Variants in DENND1B observed in about 807,000 individuals in gnomAD.
DENND1B encodes the protein DENN domain-containing protein 1B.
A neutral mutation model predicts 90.1 loss-of-function variants in DENND1B; 59 were observed. The ratio of observed to expected loss-of-function variants is 0.65; its 90% CI spans 0.53 to 0.81. The LOEUF is 0.81. Among genes scored for constraint, DENND1B ranks in the 40% least tolerant of loss-of-function variants. The pLI, the probability that DENND1B is intolerant of heterozygous loss-of-function variation, is 0.00. For missense variants in DENND1B, 862 were observed against 912.6 expected, an observed-to-expected ratio of 0.94 and a Z score of 0.71; for synonymous variants, 337 against 324.6, an observed-to-expected ratio of 1.04 and a Z score of -0.41.
intron 15 of DENND1B, among the ~76,000 whole-genome samples, chr1:197,565,163 T>A (rs1413365327): frequency 4.6e-5 from 7 of 152,038 alleles, no homozygotes; most frequent in Admixed American, 4.6e-4. Context: ...TGAATCACTA[T>A]CATGAAAAAG....
chr1:197,753,105 A>T (rs1226796066), intron 2 of DENND1B, among the ~76,000 whole-genome samples: 1 of 151,774 alleles, frequency 6.6e-6, no homozygotes, highest in African/African-American at 2.4e-5. Flanking sequence ...CTTCTGAATA[A>T]AGAACATAAA....
At chr1:197,519,306 T>C (rs1459200530) in intron 20 of DENND1B, among the ~76,000 whole-genome samples, 4 of 151,922 alleles carry the variant, frequency 2.6e-5, no homozygotes, top group Non-Finnish European at 4.4e-5. Context: ...TCTTTATACA[T>C]AGTAGGTAGT....
At chr1:197,555,462 C>A (rs1265305590) in intron 15 of DENND1B, among the ~76,000 whole-genome samples, 1 of 152,024 alleles carries the variant, frequency 6.6e-6, no homozygotes, top group Non-Finnish European at 1.5e-5. Flanking sequence ...AACTATGCAT[C>A]CAACAAAGGA....
chr1:197,731,417 TA>T (rs1018323911), intron 2 of DENND1B, among the ~76,000 whole-genome samples: 2 of 151,930 alleles, frequency 1.3e-5, no homozygotes, highest in African/African-American at 2.4e-5. Flanking sequence ...TAGGTTGTCC[TA>T]AAAAAAAGTA....
At chr1:197,752,327 C>A (rs1653663358) in intron 2 of DENND1B, among the ~76,000 whole-genome samples, 1 of 151,800 alleles carries the variant, frequency 6.6e-6, no homozygotes, top group Non-Finnish European at 1.5e-5. Context: ...TTGAAAATTA[C>A]CAAAACTGAC....
At chr1:197,597,983 A>G (rs569056230) in intron 13 of DENND1B, among the ~76,000 whole-genome samples, 1 of 151,994 alleles carries the variant, frequency 6.6e-6, no homozygotes, top group South Asian at 2.1e-4. Context: ...TAAATAAAAT[A>G]TATCGTTAAC....
At chr1:197,721,932 T>C (rs899847464) in intron 2 of DENND1B, among the ~76,000 whole-genome samples, 1 of 152,180 alleles carries the variant, frequency 6.6e-6, no homozygotes, top group African/African-American at 2.4e-5. Flanking sequence ...TGGAGGACTA[T>C]AGTTATGTGT....
intron 20 of DENND1B, among the ~76,000 whole-genome samples, chr1:197,539,524 T>C (rs1032527703): frequency 6.6e-5 from 10 of 152,210 alleles, no homozygotes; most frequent in Non-Finnish European, 7.3e-5. Flanking sequence ...TAACTATTTA[T>C]AGCAAATAAA....
chr1:197,641,512 TA>T (rs1680266089), intron 10 of DENND1B, among the ~76,000 whole-genome samples: 1 of 152,202 alleles, frequency 6.6e-6, no homozygotes. Flanking sequence ...TAAATGCATA[TA>T]TTTTTCAATA....
intron 5 of DENND1B, among the ~76,000 whole-genome samples, chr1:197,664,373 C>T (rs1654728330): frequency 6.6e-6 from 1 of 151,936 alleles, no homozygotes; most frequent in Admixed American, 6.6e-5. Context: ...CTCTTGCCAA[C>T]ATATATAAAT....
chr1:197,707,657 T>TA lies in DENND1B; in HGVS notation c.126+7373dup, dbSNP rs1344798449. On this transcript the variant is annotated intron_variant, in intron 3 of 22. Transcript: ENST00000620048. ...TATATTATATAATATACATATATTA[T>TA]ATACATATATAATATAATAATATAA... 6.8e-5 allele frequency among the ~76,000 whole-genome samples: 10 copies of TA among 146,654 alleles called. No individual in the cohort carries two copies. The East Asian group carries it at 1.9e-3, about 29-fold the overall frequency.
intron 5 of DENND1B, among the ~76,000 whole-genome samples, chr1:197,664,010 TAC>T (rs10638441): frequency 2.2e-3 from 327 of 149,366 alleles, no homozygotes; most frequent in African/African-American, 5.2e-3. Context: ...AACACACACA[TAC>T]ACACACACAC....
chr1:197,657,871 A>T (rs1167680950), intron 6 of DENND1B, among the ~76,000 whole-genome samples: 1 of 152,212 alleles, frequency 6.6e-6, no homozygotes, highest in Admixed American at 6.5e-5. Flanking sequence ...CATTGACAGA[A>T]GAATGAATGA....
At chr1:197,519,502 G>C (rs1668623478) in intron 20 of DENND1B, among the ~76,000 whole-genome samples, 1 of 151,906 alleles carries the variant, frequency 6.6e-6, no homozygotes, top group South Asian at 2.1e-4. Flanking sequence ...AGAGCACAGT[G>C]ATAACTAAGA....
intron 2 of DENND1B, among the ~76,000 whole-genome samples, chr1:197,754,210 G>A (rs1653957729): frequency 6.6e-6 from 1 of 151,888 alleles, no homozygotes; most frequent in South Asian, 2.1e-4. Flanking sequence ...GGAGAACTGT[G>A]GTACACAGAG....
At chr1:197,720,735 A>G (rs971273881) in intron 2 of DENND1B, among the ~76,000 whole-genome samples, 4 of 152,170 alleles carry the variant, frequency 2.6e-5, no homozygotes, top group South Asian at 2.1e-4. Context: ...CATTTTGACA[A>G]AGTAGTAATA....
intron 15 of DENND1B, among the ~76,000 whole-genome samples, chr1:197,573,976 C>G (rs1393829185): frequency 6.6e-6 from 1 of 152,144 alleles, no homozygotes; most frequent in East Asian, 1.9e-4. Context: ...TTATGACAAA[C>G]CCACAGCCAA....
intron 10 of DENND1B, among the ~76,000 whole-genome samples, chr1:197,640,018 A>T (rs1436827788): frequency 2.6e-5 from 4 of 152,172 alleles, no homozygotes; most frequent in African/African-American, 4.8e-5. Context: ...GTTTTCATGA[A>T]TTGTCATAAA....
At chr1:197,602,175 T>C (rs1676270603) in intron 13 of DENND1B, among the ~76,000 whole-genome samples, 1 of 151,612 alleles carries the variant, frequency 6.6e-6, no homozygotes, top group Admixed American at 6.6e-5. Flanking sequence ...AATATCCTTA[T>C]AAAATGTTCT....
Sources: gnomAD v4.1 joint callset for allele counts (sites outside exome capture counted in the v4.1 genomes callset) on GRCh38, gnomAD v4.1.1 for gene constraint, MANE v1.5 for transcripts, NCBI Gene and HGNC (gene_info 2026-07-23, HGNC 2026-07-21) for gene names.